MTA3: variants seen among roughly 807,000 people sequenced by gnomAD.
The protein encoded by MTA3 is metastasis-associated protein MTA3.
Under a neutral mutation model 83.5 loss-of-function variants are expected in MTA3, and 34 were observed. The observed-to-expected ratio is 0.41, with a 90% confidence interval of 0.31 to 0.54. MTA3 has a LOEUF of 0.54. Ranked by LOEUF, MTA3 falls within the 20% of genes least tolerant of loss-of-function variation. The pLI is 0.33. For synonymous variants in MTA3, 303 were observed against 252.7 expected (o/e 1.20, Z -1.89); for missense variants, 761 against 726.4 (o/e 1.05, Z -0.55).
At chr2:42,748,924 T>G (rs894779648) in intron 16 of MTA3, among the ~76,000 whole-genome samples, 1 of 152,214 alleles carries the variant, frequency 6.6e-6, no homozygotes, top group Non-Finnish European at 1.5e-5. Context: ...ATATTTCAAT[T>G]TTGCCCTTAG....
chr2:42,665,915 T>C (rs1278167212), intron 8 of MTA3, among the ~76,000 whole-genome samples: 2 of 152,168 alleles, frequency 1.3e-5, no homozygotes, highest in East Asian at 3.9e-4. Context: ...CCAAGCTGTG[T>C]TGATTTAGGA....
At chr2:42,672,593 C>T (rs1305896890) in intron 8 of MTA3, among the ~76,000 whole-genome samples, 3 of 126,748 alleles carry the variant, frequency 2.4e-5, no homozygotes, top group East Asian at 2.5e-4. Flanking sequence ...TGCGGTGAGC[C>T]GAGATCGTGC....
At chr2:42,617,569 T>A (rs542023204) in intron 4 of MTA3, among the ~76,000 whole-genome samples, 1 of 152,002 alleles carries the variant, frequency 6.6e-6, no homozygotes, top group Non-Finnish European at 1.5e-5. Flanking sequence ...CCCAGCACTT[T>A]GGGAGGTCAC....
At chr2:42,600,704 C>A (rs1442449479) in intron 3 of MTA3, among the ~76,000 whole-genome samples, 1 of 151,896 alleles carries the variant, frequency 6.6e-6, no homozygotes, top group East Asian at 1.9e-4. Flanking sequence ...CCACACCTGG[C>A]TGATTTTTGT....
At chr2:42,610,200 A>G (rs890720883) in intron 4 of MTA3, among the ~76,000 whole-genome samples, 1 of 152,256 alleles carries the variant, frequency 6.6e-6, no homozygotes. Flanking sequence ...TCTAGCAGAC[A>G]TCATTTTGGG....
At chr2:42,546,067 C>G (rs951014163) in intron 2 of MTA3, among the ~76,000 whole-genome samples, 1 of 152,094 alleles carries the variant, frequency 6.6e-6, no homozygotes, top group Non-Finnish European at 1.5e-5. Flanking sequence ...TTGGCTGATC[C>G]GGGAATTCAC....
chr2:42,513,718 G>A (rs1047372191), intron 2 of MTA3, among the ~76,000 whole-genome samples: 31 of 152,232 alleles, frequency 2.0e-4, no homozygotes, highest in African/African-American at 7.2e-4. Flanking sequence ...GAAGCCCAGA[G>A]TGCTGGACTC....
chr2:42,594,789 C>CGT (rs1386216728), intron 3 of MTA3, among the ~76,000 whole-genome samples: 3 of 106,314 alleles, frequency 2.8e-5, no homozygotes, highest in East Asian at 2.7e-4. Flanking sequence ...TCCAGTGGCG[C>CGT]GATCTCAGCT....
chr2:42,597,461 C>T (rs1426245309), intron 3 of MTA3, among the ~76,000 whole-genome samples: 3 of 148,370 alleles, frequency 2.0e-5, no homozygotes, highest in African/African-American at 5.0e-5. Context: ...TCTCGGCTCA[C>T]TGCAACCCCC....
intron 8 of MTA3, chr2:42,680,305 C>G (rs928981975): frequency 6.6e-6 from 1 of 152,238 alleles, no homozygotes; most frequent in Non-Finnish European, 1.5e-5. Context: ...TCTAATGGGC[C>G]ATAGTGACAG....
intron 6 of MTA3, among the ~76,000 whole-genome samples, chr2:42,653,964 C>G (rs1038048432): frequency 1.3e-5 from 2 of 152,174 alleles, no homozygotes; most frequent in African/African-American, 4.8e-5. Flanking sequence ...GTGTCATTCT[C>G]CATTCTCAGG....
intron 2 of MTA3, among the ~76,000 whole-genome samples, chr2:42,543,908 C>T (rs1436942213): frequency 6.6e-6 from 1 of 151,914 alleles, no homozygotes; most frequent in Non-Finnish European, 1.5e-5. Flanking sequence ...CTAGGCTTGT[C>T]TCAAACTCTT....
chr2:42,616,937 G>T (rs1684967910), intron 4 of MTA3, among the ~76,000 whole-genome samples: 3 of 152,062 alleles, frequency 2.0e-5, no homozygotes, highest in African/African-American at 4.8e-5. Flanking sequence ...TAGATTTCGT[G>T]CTTTTTCTTT....
intron 3 of MTA3, among the ~76,000 whole-genome samples, chr2:42,587,425 CATT>C (rs1286022190): frequency 6.6e-6 from 1 of 152,126 alleles, no homozygotes; most frequent in African/African-American, 2.4e-5. Flanking sequence ...CCCGACAAGT[CATT>C]ATTATTACTA....
chr2:42,511,731 A>G (rs1473332336), intron 2 of MTA3: 1 of 152,122 alleles, frequency 6.6e-6, no homozygotes, highest in East Asian at 1.9e-4. Context: ...AAAATAAAAT[A>G]AAATAGGCCA....
intron 16 of MTA3, among the ~76,000 whole-genome samples, chr2:42,733,376 C>G (rs1471619463): frequency 6.6e-6 from 1 of 152,214 alleles, no homozygotes; most frequent in African/African-American, 2.4e-5. Flanking sequence ...ACAGGAAAGA[C>G]TGGCCGCCAT....
At chr2:42,617,348 C>T (rs896164780) in intron 4 of MTA3, among the ~76,000 whole-genome samples, 7 of 152,052 alleles carry the variant, frequency 4.6e-5, no homozygotes, top group African/African-American at 1.7e-4. Context: ...CTGATGTGTT[C>T]ATTGTAGATT....
At chr2:42,747,094 C>T (rs755017891) in intron 16 of MTA3, among the ~76,000 whole-genome samples, 4 of 151,916 alleles carry the variant, frequency 2.6e-5, no homozygotes, top group Non-Finnish European at 4.4e-5. Flanking sequence ...CTCTGTCTCC[C>T]GGGTTCGAGC....
At chr2:42,546,170 T>G (rs191129452) in intron 2 of MTA3, among the ~76,000 whole-genome samples, 1 of 152,130 alleles carries the variant, frequency 6.6e-6, no homozygotes, top group African/African-American at 2.4e-5. Flanking sequence ...GCAATAACAA[T>G]GGAGGCGCCT....
Sources: gnomAD v4.1 joint callset for allele counts (sites outside exome capture counted in the v4.1 genomes callset) on GRCh38, gnomAD v4.1.1 for gene constraint, MANE v1.5 for transcripts, NCBI Gene and HGNC (gene_info 2026-07-23, HGNC 2026-07-21) for gene names.